Variants in PDZRN4 observed in about 807,000 individuals in gnomAD.
PDZRN4 encodes the protein PDZ domain containing ring finger 4, also known as PDZ domain-containing RING finger protein 4.
Under a neutral mutation model 99.0 loss-of-function variants are expected in PDZRN4, and 70 were observed. The ratio of observed to expected loss-of-function variants is 0.71; its 90% CI spans 0.58 to 0.86. The LOEUF is 0.86. Ranked by LOEUF, PDZRN4 falls within the 40% of genes least tolerant of loss-of-function variation. The probability of loss-of-function intolerance (pLI) is 0.00; values close to 1 mark genes in which losing one functional copy is unlikely to be tolerated. For synonymous variants in PDZRN4, 551 were observed against 501.6 expected (o/e 1.10, Z -1.32); for missense variants, 1,474 against 1,331.2 (o/e 1.11, Z -1.67).
chr12:41,315,699 C>T (rs1951633857), intron 3 of PDZRN4, among the ~76,000 whole-genome samples: 1 of 152,088 alleles, frequency 6.6e-6, no homozygotes. Context: ...TTGTAAAGTA[C>T]AGTGATTATT....
chr12:41,195,662 T>A (rs893330164), intron 3 of PDZRN4, among the ~76,000 whole-genome samples: 1 of 152,212 alleles, frequency 6.6e-6, no homozygotes, highest in Non-Finnish European at 1.5e-5. Flanking sequence ...TTTTTATTCT[T>A]CCAGTTTTGT....
chr12:41,395,462 C>G (rs1408829774), intron 3 of PDZRN4, among the ~76,000 whole-genome samples: 1 of 152,088 alleles, frequency 6.6e-6, no homozygotes, highest in African/African-American at 2.4e-5. Flanking sequence ...AAATCAACCT[C>G]TGTTTTTCAT....
rs140341744 is a variant in PDZRN4 at position 41,572,649 on chromosome 12, T to C, written c.1870T>C (p.Cys624Arg). ...SDCIGNPDED[C>R]ERFRQLLELK... is the part of the protein sequence containing the mutation. ...CTGCATTGGCAACCCAGATGAGGAC[T>C]GTGAAAGATTCAGGCAGCTCTTGGA... Residue 624 changes from cysteine (C) to arginine (R), a missense_variant, in exon 10 of 10, where the codon TGT becomes CGT. By Grantham distance (180) the Cys-to-Arg change is radical. Transcript: ENST00000402685. 600 of 1,614,182 alleles carry C rather than the reference T, an allele frequency of 3.7e-4. 2 individuals carry two copies. In the African/African-American group the frequency reaches 7.5e-3, roughly 20 times the overall value.
chr12:41,316,622 T>C (rs777783281), intron 3 of PDZRN4, among the ~76,000 whole-genome samples: 7 of 152,038 alleles, frequency 4.6e-5, no homozygotes, highest in Non-Finnish European at 1.0e-4. Context: ...ATGGCATCAA[T>C]AGAAATGGTT....
At chr12:41,362,275 A>T (rs2121060702) in intron 3 of PDZRN4, among the ~76,000 whole-genome samples, 1 of 152,154 alleles carries the variant, frequency 6.6e-6, no homozygotes, top group Non-Finnish European at 1.5e-5. Context: ...ACTTATAATT[A>T]CTTTATTTTG....
intron 7 of PDZRN4, among the ~76,000 whole-genome samples, chr12:41,556,095 G>A (rs1384423259): frequency 6.6e-6 from 1 of 152,134 alleles, no homozygotes; most frequent in African/African-American, 2.4e-5. Flanking sequence ...ATAACCTATT[G>A]TTGTTGTGAA....
chr12:41,368,875 G>T (rs556696669), intron 3 of PDZRN4, among the ~76,000 whole-genome samples: 2 of 152,164 alleles, frequency 1.3e-5, no homozygotes, highest in South Asian at 4.1e-4. Flanking sequence ...AGCTCTGGCT[G>T]CACGTTTCTT....
intron 3 of PDZRN4, among the ~76,000 whole-genome samples, chr12:41,445,000 C>T (rs1353752869): frequency 6.6e-6 from 1 of 151,666 alleles, no homozygotes; most frequent in African/African-American, 2.4e-5. Flanking sequence ...AGAGCCCTTC[C>T]ATCATAGAAA....
At chr12:41,345,964 T>G (rs1951850698) in intron 3 of PDZRN4, among the ~76,000 whole-genome samples, 1 of 152,116 alleles carries the variant, frequency 6.6e-6, no homozygotes, top group Non-Finnish European at 1.5e-5. Context: ...ATTATTCTTA[T>G]TAAAACTAGT....
At chr12:41,243,997 G>C (rs1474582438) in intron 3 of PDZRN4, among the ~76,000 whole-genome samples, 1 of 152,136 alleles carries the variant, frequency 6.6e-6, no homozygotes, top group African/African-American at 2.4e-5. Flanking sequence ...CAGATCCAAG[G>C]CTGGAGGAGC....
intron 3 of PDZRN4, among the ~76,000 whole-genome samples, chr12:41,320,304 A>G (rs766823553): frequency 3.9e-5 from 6 of 152,176 alleles, no homozygotes; most frequent in Non-Finnish European, 7.3e-5. Flanking sequence ...CCCCGGGAGC[A>G]ATATTAGATC....
At chr12:41,207,226 A>G (rs911273928) in intron 3 of PDZRN4, among the ~76,000 whole-genome samples, 50 of 151,776 alleles carry the variant, frequency 3.3e-4, no homozygotes, top group African/African-American at 1.1e-3. Flanking sequence ...TTTTGGATCC[A>G]AATTAAAATC....
intron 3 of PDZRN4, among the ~76,000 whole-genome samples, chr12:41,319,765 A>C (rs1356408053): frequency 6.6e-6 from 1 of 152,194 alleles, no homozygotes; most frequent in African/African-American, 2.4e-5. Context: ...AGAGGTAAAA[A>C]ACAACAAAAA....
intron 5 of PDZRN4, among the ~76,000 whole-genome samples, chr12:41,546,092 G>A (rs1481902677): frequency 3.3e-5 from 5 of 152,212 alleles, no homozygotes; most frequent in Non-Finnish European, 5.9e-5. Context: ...TTGTCGGGCA[G>A]CATGGATTGC....
intron 3 of PDZRN4, among the ~76,000 whole-genome samples, chr12:41,321,450 T>C (rs1951676945): frequency 1.3e-5 from 2 of 152,350 alleles, no homozygotes; most frequent in Non-Finnish European, 1.5e-5. Flanking sequence ...AGAAATTTCC[T>C]TTGTGACATT....
intron 3 of PDZRN4, among the ~76,000 whole-genome samples, chr12:41,426,881 T>G (rs1490747242): frequency 6.6e-6 from 1 of 152,154 alleles, no homozygotes; most frequent in Non-Finnish European, 1.5e-5. Context: ...AAAATGCATA[T>G]TCCCAGGCCC....
intron 3 of PDZRN4, among the ~76,000 whole-genome samples, chr12:41,399,335 A>AT (rs1952273263): frequency 6.6e-6 from 1 of 152,194 alleles, no homozygotes. Context: ...GTGTCCCTAT[A>AT]TTCTATTGCT....
intron 3 of PDZRN4, among the ~76,000 whole-genome samples, chr12:41,196,529 C>T (rs1238877456): frequency 1.3e-5 from 2 of 152,008 alleles, no homozygotes; most frequent in Non-Finnish European, 2.9e-5. Context: ...AAATAAATTG[C>T]TCTTGCTTAG....
intron 3 of PDZRN4, among the ~76,000 whole-genome samples, chr12:41,413,772 C>T (rs1263959296): frequency 1.3e-5 from 2 of 151,920 alleles, no homozygotes; most frequent in East Asian, 1.9e-4. Flanking sequence ...ATCCAACTTG[C>T]CACTCTCTGA....
Sources: allele counts gnomAD v4.1 joint callset (sites outside exome capture counted in the v4.1 genomes callset), GRCh38; gene constraint gnomAD v4.1.1; transcripts MANE v1.5; gene names NCBI Gene and HGNC (gene_info 2026-07-23, HGNC 2026-07-21).